SLC35F3: variants seen among roughly 807,000 people sequenced by gnomAD.
The protein encoded by SLC35F3 is solute carrier family 35 member F3.
A neutral mutation model predicts 49.9 loss-of-function variants in SLC35F3; 25 were observed. The ratio of observed to expected loss-of-function variants is 0.50; its 90% CI spans 0.37 to 0.70. SLC35F3 has a LOEUF of 0.70. Among genes scored for constraint, SLC35F3 ranks in the 30% least tolerant of loss-of-function variants. The pLI, the probability that SLC35F3 is intolerant of heterozygous loss-of-function variation, is 0.00. For missense variants in SLC35F3, 525 were observed against 639.8 expected, an observed-to-expected ratio of 0.82 and a Z score of 1.94; for synonymous variants, 275 against 265.4, an observed-to-expected ratio of 1.04 and a Z score of -0.35.
At chr1:234,190,135 G>A (rs368179865) in intron 2 of SLC35F3, among the ~76,000 whole-genome samples, 2 of 152,198 alleles carry the variant, frequency 1.3e-5, no homozygotes, top group East Asian at 3.9e-4. Context: ...GGTCTCACGG[G>A]ATCTATACAA....
intron 3 of SLC35F3, among the ~76,000 whole-genome samples, chr1:234,291,765 T>C (rs1383400584): frequency 6.6e-6 from 1 of 152,166 alleles, no homozygotes; most frequent in Non-Finnish European, 1.5e-5. Context: ...GCCACCATAA[T>C]TTGTATTTAC....
intron 2 of SLC35F3, among the ~76,000 whole-genome samples, chr1:234,065,922 A>G (rs1290111055): frequency 1.3e-5 from 2 of 152,226 alleles, no homozygotes; most frequent in Non-Finnish European, 2.9e-5. Context: ...AGTTGCGTTA[A>G]ACACGGGGTG....
chr1:234,158,351 A>G (rs1272517806), intron 2 of SLC35F3, among the ~76,000 whole-genome samples: 1 of 152,252 alleles, frequency 6.6e-6, no homozygotes, highest in Non-Finnish European at 1.5e-5. Flanking sequence ...AAAGTTATCT[A>G]TAACTTTACC....
At position 234,320,315 on chromosome 1, in the gene SLC35F3, TAC is replaced by T. The variant is rs149366986; in HGVS notation, c.1237+142_1237+143del. 5,974 of 639,824 alleles carry T rather than the reference TAC, an allele frequency of 9.3e-3. 2 individuals are homozygous for T. The highest frequency in any genetic ancestry group is 0.013 in the South Asian group (759 of 59,122). 39.6% of individuals were successfully genotyped at this position (639,824 alleles called of 1,614,324 possible). The stretch of plus-strand genomic sequence containing the variant: ...ACACTCACATACACACACTCATGCA[TAC>T]ACACACACACACATACTCTCACATA... On this transcript the variant is annotated intron_variant, in intron 7 of 7. Transcript: ENST00000366618. The surrounding 1 kb of genome is among the most constrained non-coding windows in gnomAD (Gnocchi z 4.8).
chr1:233,920,306 G>A (rs1662038508), intron 2 of SLC35F3, among the ~76,000 whole-genome samples: 1 of 152,218 alleles, frequency 6.6e-6, no homozygotes, highest in African/African-American at 2.4e-5. Context: ...GTTTCAGAAT[G>A]AAATATGCAC....
chr1:233,906,661 T>C (rs113983528), intron 2 of SLC35F3, among the ~76,000 whole-genome samples: 48 of 152,304 alleles, frequency 3.2e-4, no homozygotes, highest in African/African-American at 1.1e-3. Flanking sequence ...CTTGTTGATT[T>C]TGAGTTTTTT....
chr1:234,295,919 C>T (rs911288697), intron 3 of SLC35F3, among the ~76,000 whole-genome samples: 1 of 152,180 alleles, frequency 6.6e-6, no homozygotes, highest in Non-Finnish European at 1.5e-5. Context: ...AAGTAAAGGT[C>T]CACACACTCT....
chr1:234,280,872 C>A (rs548485344), intron 3 of SLC35F3, among the ~76,000 whole-genome samples: 2 of 152,308 alleles, frequency 1.3e-5, no homozygotes, highest in South Asian at 4.1e-4. Flanking sequence ...GACTCCAGAT[C>A]CTACCTGGCT....
chr1:234,311,420 A>G (rs1657351498), intron 4 of SLC35F3, among the ~76,000 whole-genome samples: 1 of 152,244 alleles, frequency 6.6e-6, no homozygotes, highest in African/African-American at 2.4e-5. Context: ...ACTGAAAAGA[A>G]TTAACATAGT....
At chr1:234,089,101 T>C (rs1365868923) in intron 2 of SLC35F3, among the ~76,000 whole-genome samples, 1 of 152,122 alleles carries the variant, frequency 6.6e-6, no homozygotes, top group African/African-American at 2.4e-5. Context: ...AGAAAACTGG[T>C]GTTCCACGAG....
Position 234,226,979 on chromosome 1 carries a change from A to ACACACG in SLC35F3, c.284-4433_284-4432insGCACAC, listed in dbSNP as rs1572103675. Reference sequence around the variant, plus strand: ...CACGCGTGCACACACACACACACACACACACACGTGCTCAATGGAAGCAAC... The same window carrying ACACACG: ...CACGCGTGCACACACACACACACACACACACGCACACACGTGCTCAATGGAAGCAAC... On this transcript the variant is annotated intron_variant, in intron 2 of 7. Coordinates refer to ENST00000366618, the MANE Select transcript of SLC35F3 (RefSeq NM_173508.4). Among the ~76,000 whole-genome samples, 3 of 151,840 alleles carry ACACACG rather than the reference A, an allele frequency of 2.0e-5. No homozygotes were observed. The East Asian group carries it at 5.9e-4, about 30-fold the overall frequency.
intron 2 of SLC35F3, among the ~76,000 whole-genome samples, chr1:234,149,893 C>T (rs1249042593): frequency 6.6e-6 from 1 of 152,162 alleles, no homozygotes; most frequent in South Asian, 2.1e-4. Context: ...AATCTCAGGC[C>T]AACCCAACGG....
In SLC35F3 at chr1:234,244,932, C is replaced by T. The variant is rs113450554; in HGVS notation, c.608+13191C>T. On this transcript the variant is annotated intron_variant, in intron 3 of 7. Coordinates refer to ENST00000366618, the MANE Select transcript of SLC35F3 (RefSeq NM_173508.4). ...TGATCAAGTCACTATTGGGGGTTTCCATCACTTTGAGTATTTGTCATTTTT... is the reference window on the plus strand; with the variant it reads ...TGATCAAGTCACTATTGGGGGTTTCTATCACTTTGAGTATTTGTCATTTTT... 6.7e-3 allele frequency among the ~76,000 whole-genome samples: 1,024 copies of T among 152,136 alleles called. 8 individuals carry two copies. Among genetic ancestry groups the T allele is most frequent in the African/African-American group, 0.023 (965 of 41,484 alleles).
At chr1:234,159,402 C>T (rs538929996) in intron 2 of SLC35F3, among the ~76,000 whole-genome samples, 4 of 152,114 alleles carry the variant, frequency 2.6e-5, no homozygotes, top group East Asian at 1.9e-4. Flanking sequence ...CATGGTGAAA[C>T]GCCGTCTCTA....
Position 234,147,821 on chromosome 1 carries a change from C to T in SLC35F3, c.284-83596C>T, listed in dbSNP as rs185679053. Among the ~76,000 whole-genome samples the T allele has an allele frequency of 1.6e-3, 251 of 152,328 alleles. 2 individuals are homozygous for T. The highest frequency in any genetic ancestry group is 5.6e-3 in the African/African-American group (233 of 41,576). On this transcript the variant is annotated intron_variant, in intron 2 of 7. Coordinates refer to ENST00000366618, the MANE Select transcript of SLC35F3 (RefSeq NM_173508.4). ...ATCTGAATGACCGGAGAGCTTATTA[C>T]AGTACAGAGTGCTGGGTTCCACCCC...
chr1:233,951,595 A>G (rs571554568), intron 2 of SLC35F3, among the ~76,000 whole-genome samples: 74 of 152,164 alleles, frequency 4.9e-4, no homozygotes, highest in Non-Finnish European at 8.4e-4. Flanking sequence ...ATAGCCTGTT[A>G]GGAATGGGGG....
At chr1:234,045,813 C>T (rs1203617261) in intron 2 of SLC35F3, among the ~76,000 whole-genome samples, 1 of 151,742 alleles carries the variant, frequency 6.6e-6, no homozygotes, top group East Asian at 1.9e-4. Flanking sequence ...CATTTCCATG[C>T]ATATTTTTAT....
In SLC35F3 at chr1:233,928,007, A is replaced by G. The variant is rs569054377; in HGVS notation, c.283+22249A>G. Among the ~76,000 whole-genome samples, 7 of 152,308 alleles carry G rather than the reference A, an allele frequency of 4.6e-5. No individual in the cohort carries two copies. The South Asian group carries it at 1.4e-3, about 32-fold the overall frequency. On this transcript the variant is annotated intron_variant, in intron 2 of 7. Coordinates refer to ENST00000366618, the MANE Select transcript of SLC35F3 (RefSeq NM_173508.4). ...GAATGAATGAAAACATTCAAACATG[A>G]TACATTTTTTTTCAGAAGTCTTTTA...
intron 2 of SLC35F3, among the ~76,000 whole-genome samples, chr1:234,039,774 C>T (rs1339191792): frequency 2.6e-5 from 4 of 152,196 alleles, no homozygotes; most frequent in Non-Finnish European, 5.9e-5. Flanking sequence ...ACCAGCCGGC[C>T]GCTTTGCAGC....
Sources: gnomAD v4.1 joint callset for allele counts (sites outside exome capture counted in the v4.1 genomes callset) on GRCh38, gnomAD v4.1.1 for gene constraint, Gnocchi (gnomAD v3.1) non-coding constraint, MANE v1.5 for transcripts, NCBI Gene and HGNC (gene_info 2026-07-23, HGNC 2026-07-21) for gene names.